Variants in SLC49A4 observed in about 807,000 individuals in gnomAD.
SLC49A4 encodes the protein disrupted in renal cancer protein 2.
Under a neutral mutation model 50.6 loss-of-function variants are expected in SLC49A4, and 36 were observed. The ratio of observed to expected loss-of-function variants is 0.71; its 90% confidence interval spans 0.55 to 0.94. The LOEUF (loss-of-function observed/expected upper bound fraction) is 0.94, where lower values mean the gene tolerates loss of function less well. SLC49A4 is among the 40% of genes least tolerant of loss of function. The pLI is 0.00. For synonymous variants in SLC49A4, 248 were observed against 241.2 expected (o/e 1.03, Z -0.26); for missense variants, 503 against 605.7 (o/e 0.83, Z 1.78).
At chr3:122,802,922 G>A (rs1033381017) in intron 1 of SLC49A4, among the ~76,000 whole-genome samples, 5 of 152,266 alleles carry the variant, frequency 3.3e-5, no homozygotes, top group Non-Finnish European at 4.4e-5. Flanking sequence ...GGTGAGCTGT[G>A]GGACAGTTTT....
chr3:122,845,661 G>T (rs1936838867), intron 4 of SLC49A4, 102 bp from the exon 5 acceptor site: 97 of 115,562 alleles, frequency 8.4e-4, no homozygotes, highest in East Asian at 2.5e-3. Flanking sequence ...GATATTTTCT[G>T]ATTCTGGTGT....
intron 8 of SLC49A4, among the ~76,000 whole-genome samples, chr3:122,877,011 T>C (rs1005697091): frequency 2.0e-5 from 3 of 152,176 alleles, no homozygotes; most frequent in South Asian, 2.1e-4. Context: ...GGAAGGAGTA[T>C]TAGAAAACCA....
chr3:122,856,310 G>T lies in SLC49A4; in HGVS notation c.946G>T (p.Asp316Tyr), dbSNP rs1936988676. 6.2e-7 allele frequency: 1 copy of T among 1,613,806 alleles called. No individual in the cohort carries two copies. The highest frequency in any genetic ancestry group is 8.5e-7 in the Non-Finnish European group (1 of 1,179,918). ...ILTPAHVSQVDAGWIGFWSIV... is the reference protein window; with the variant it reads ...ILTPAHVSQVYAGWIGFWSIV... ...GTGTCTGCTTCTTTCTTAACAGGTA[G>T]ATGCTGGCTGGATTGGATTTTGGTC... Residue 316 changes from aspartate to tyrosine, a missense_variant, in exon 6 of 9, where the codon GAT (aspartate) becomes TAT (tyrosine). Coordinates refer to ENST00000261038, the MANE Select transcript of SLC49A4 (RefSeq NM_032839.3).
intron 6 of SLC49A4, among the ~76,000 whole-genome samples, chr3:122,856,806 C>T (rs1936995791): frequency 6.7e-6 from 1 of 148,848 alleles, no homozygotes; most frequent in African/African-American, 2.5e-5. Flanking sequence ...CACTGCTCTC[C>T]AGCCTGGGCA....
intron 1 of SLC49A4, among the ~76,000 whole-genome samples, chr3:122,801,419 C>CCTCT: frequency 6.6e-6 from 1 of 152,096 alleles, no homozygotes; most frequent in South Asian, 2.1e-4. Context: ...GTAGAAACCC[C>CCTCT]CTCTCTACTA....
chr3:122,852,266 A>G (rs1936936489), intron 5 of SLC49A4, among the ~76,000 whole-genome samples: 1 of 152,196 alleles, frequency 6.6e-6, no homozygotes, highest in Admixed American at 6.5e-5. Context: ...TGCTGGGATT[A>G]ACGGCATGAG....
At chr3:122,834,987 C>G (rs1484897838) in intron 4 of SLC49A4, among the ~76,000 whole-genome samples, 4 of 152,044 alleles carry the variant, frequency 2.6e-5, no homozygotes, top group Non-Finnish European at 1.5e-5. Context: ...TACAACCCTC[C>G]TAGATTAAAT....
intron 5 of SLC49A4, among the ~76,000 whole-genome samples, chr3:122,850,322 G>A (rs1314852185): frequency 1.3e-5 from 2 of 152,132 alleles, no homozygotes; most frequent in Admixed American, 6.5e-5. Context: ...AAAACAGAAT[G>A]CTATAAGTAG....
intron 7 of SLC49A4, among the ~76,000 whole-genome samples, chr3:122,867,232 CAG>C (rs1332627451): frequency 6.6e-6 from 1 of 152,136 alleles, no homozygotes. Context: ...CAGTCACTTC[CAG>C]CTTTTGTGCT....
At chr3:122,846,196 C>G (rs1263736921) in intron 5 of SLC49A4, among the ~76,000 whole-genome samples, 1 of 152,150 alleles carries the variant, frequency 6.6e-6, no homozygotes, top group Non-Finnish European at 1.5e-5. Flanking sequence ...ATCCCATCAT[C>G]AAATATATAG....
At chr3:122,838,405 A>G in intron 4 of SLC49A4, among the ~76,000 whole-genome samples, 1 of 152,126 alleles carries the variant, frequency 6.6e-6, no homozygotes. Context: ...TGTCCTTTGT[A>G]GGGACATGGA....
intron 4 of SLC49A4, among the ~76,000 whole-genome samples, chr3:122,836,499 G>A (rs140649426): frequency 0.087 from 13,246 of 152,044 alleles, 639 homozygotes; most frequent in Non-Finnish European, 0.12. Flanking sequence ...TCAGGATGAT[G>A]CTGGCCTCAT....
Position 122,795,170 on chromosome 3 carries a change from G to T in SLC49A4, c.-23G>T. The T allele has an allele frequency of 7.6e-7, 1 of 1,314,432 alleles. No homozygotes were observed. 81.4% of individuals were successfully genotyped at this position (1,314,432 alleles called of 1,614,324 possible). On this transcript the variant is annotated 5_prime_UTR_variant, in exon 1 of 9. Coordinates refer to ENST00000261038, the MANE Select transcript of SLC49A4 (RefSeq NM_032839.3). ...GGTGACCCGGACTGCGCCCGGCAGT[G>T]GCTTCGCGGGCGACGCGTCGCCATG...
chr3:122,820,524 G>T (rs1936435139), intron 2 of SLC49A4, among the ~76,000 whole-genome samples: 1 of 152,142 alleles, frequency 6.6e-6, no homozygotes, highest in African/African-American at 2.4e-5. Context: ...AAAGCAAAAG[G>T]TTAGGATACC....
rs114039080 is a variant in SLC49A4, at chr3:122,810,272, C to T, written c.437+3322C>T. Among the ~76,000 whole-genome samples, 617 of 152,240 alleles carry T rather than the reference C, an allele frequency of 4.1e-3. 4 individuals carry two copies. Among genetic ancestry groups the T allele is most frequent in the African/African-American group, 0.014 (599 of 41,550 alleles). ...CAGTATTTATTTTATTTGCATAGTACTGATGAAAACTCAGGAAAAAATTAT... is the reference window on the plus strand; with the variant it reads ...CAGTATTTATTTTATTTGCATAGTATTGATGAAAACTCAGGAAAAAATTAT... On this transcript the variant is annotated intron_variant, in intron 2 of 8. Transcript: ENST00000261038.
At chr3:122,862,239 A>G (rs1320936682) in intron 7 of SLC49A4, among the ~76,000 whole-genome samples, 2 of 152,188 alleles carry the variant, frequency 1.3e-5, no homozygotes, top group East Asian at 3.8e-4. Flanking sequence ...AGTTTGAACC[A>G]AAGATGTGAT....
intron 7 of SLC49A4, among the ~76,000 whole-genome samples, chr3:122,861,249 G>C (rs1050268862): frequency 6.6e-6 from 1 of 152,124 alleles, no homozygotes; most frequent in Non-Finnish European, 1.5e-5. Flanking sequence ...AAATTCCAGA[G>C]ATTGTCATGA....
intron 2 of SLC49A4, among the ~76,000 whole-genome samples, chr3:122,821,968 T>C (rs1390257691): frequency 2.0e-5 from 3 of 152,066 alleles, no homozygotes; most frequent in Non-Finnish European, 2.9e-5. Flanking sequence ...GGAAACACAG[T>C]TTAGTTGCAT....
At chr3:122,829,800 C>G (rs1248553307) in intron 3 of SLC49A4, among the ~76,000 whole-genome samples, 1 of 152,158 alleles carries the variant, frequency 6.6e-6, no homozygotes, top group African/African-American at 2.4e-5. Context: ...ATGAACAAGA[C>G]AAGGATGTCC....
Sources: gnomAD v4.1 joint callset for allele counts (sites outside exome capture counted in the v4.1 genomes callset) on GRCh38, gnomAD v4.1.1 for gene constraint, MANE v1.5 for transcripts, NCBI Gene and HGNC (gene_info 2026-07-23, HGNC 2026-07-21) for gene names.